The following HMCES variants were observed in gnomAD, a reference collection of about 807,000 sequenced individuals.
HMCES encodes the protein 5-hydroxymethylcytosine binding, ES cell specific, also known as abasic site processing protein HMCES.
In HMCES, 27 loss-of-function variants were observed where a neutral mutation model predicts 35.1. That is an observed-to-expected ratio of 0.77 (90% CI 0.57 to 1.06). HMCES has a LOEUF of 1.06. Among genes scored for constraint, HMCES ranks in the 50% least tolerant of loss-of-function variants. HMCES has a pLI of 0.00. For missense variants in HMCES, 391 were observed against 430.4 expected, an observed-to-expected ratio of 0.91 and a Z score of 0.81; for synonymous variants, 130 against 154.7, an observed-to-expected ratio of 0.84 and a Z score of 1.18.
At chr3:129,298,217 G>T in intron 4 of HMCES, 137 bp from the exon 5 acceptor site, 1 of 724,648 alleles carries the variant, frequency 1.4e-6, no homozygotes, top group Non-Finnish European at 2.3e-6. Flanking sequence ...TTCCTTTGGT[G>T]ACAGAGGGGT....
At position 129,306,182 on chromosome 3, in the gene HMCES, T is replaced by G. The variant is rs1411290890; in HGVS notation, c.*1357T>G. 4 of 152,242 alleles carry G rather than the reference T, an allele frequency of 2.6e-5. No individual in the cohort carries two copies. The highest frequency in any genetic ancestry group is 4.4e-5 in the Non-Finnish European group (3 of 68,042). The allele number at this position is 152,242 out of a possible 1,614,324, so 9.4% of individuals were successfully genotyped here. On this transcript the variant is annotated 3_prime_UTR_variant, in exon 7 of 7. Coordinates refer to ENST00000383463, the MANE Select transcript of HMCES (RefSeq NM_020187.3). ...CTTCCAGGTTAATAAATGACAAAAA[T>G]GAAATTCCCTTTGTTTTTCATTATC...
At chr3:129,300,188 A>G (rs2071146179) in intron 5 of HMCES, among the ~76,000 whole-genome samples, 1 of 148,912 alleles carries the variant, frequency 6.7e-6, no homozygotes, top group African/African-American at 2.5e-5. Context: ...ATATATATAT[A>G]TATAGAAAAG....
intron 2 of HMCES, among the ~76,000 whole-genome samples, chr3:129,283,595 C>T (rs1940556895): frequency 6.6e-6 from 1 of 152,062 alleles, no homozygotes; most frequent in Non-Finnish European, 1.5e-5. Context: ...CTTTGGGAGG[C>T]TGAGGCAGGT....
At chr3:129,291,678 C>G (rs978649539) in intron 4 of HMCES, among the ~76,000 whole-genome samples, 6 of 152,192 alleles carry the variant, frequency 3.9e-5, no homozygotes, top group Non-Finnish European at 5.9e-5. Flanking sequence ...CATTCATGTA[C>G]AAGTTTTGCA....
intron 4 of HMCES, among the ~76,000 whole-genome samples, chr3:129,297,096 G>C (rs2071102692): frequency 6.6e-6 from 1 of 152,152 alleles, no homozygotes; most frequent in Non-Finnish European, 1.5e-5. Context: ...AGTGTTTAGG[G>C]TAAGGATTGA....
chr3:129,284,599 G>T (rs961764738), intron 2 of HMCES, among the ~76,000 whole-genome samples: 2 of 152,128 alleles, frequency 1.3e-5, no homozygotes, highest in African/African-American at 4.8e-5. Flanking sequence ...AACTGTTTGT[G>T]TGTATATATA....
At chr3:129,283,593 G>A (rs1462168246) in intron 2 of HMCES, among the ~76,000 whole-genome samples, 1 of 152,134 alleles carries the variant, frequency 6.6e-6, no homozygotes, top group Non-Finnish European at 1.5e-5. Flanking sequence ...TACTTTGGGA[G>A]GCTGAGGCAG....
At chr3:129,298,279 C>A in intron 4 of HMCES, 75 bp from the exon 5 acceptor site, 1 of 1,309,652 alleles carries the variant, frequency 7.6e-7, no homozygotes, top group Non-Finnish European at 1.1e-6. Context: ...GCTCTCGAGT[C>A]TGAAGTAGTA....
intron 2 of HMCES, among the ~76,000 whole-genome samples, chr3:129,287,526 C>G (rs7622053): frequency 0.25 from 37,556 of 151,894 alleles, 7,748 homozygotes; most frequent in African/African-American, 0.57. Flanking sequence ...AGGCACTCTA[C>G]CAGATACCTA....
chr3:129,282,314 C>T (rs1458460023), intron 2 of HMCES, among the ~76,000 whole-genome samples: 1 of 136,532 alleles, frequency 7.3e-6, no homozygotes, highest in African/African-American at 3.3e-5. Flanking sequence ...AAAAAAAAAG[C>T]CTTAGTCATT....
At chr3:129,296,568 G>GTTGATTGC (rs2071095292) in intron 4 of HMCES, among the ~76,000 whole-genome samples, 2 of 151,956 alleles carry the variant, frequency 1.3e-5, no homozygotes, top group South Asian at 4.2e-4. Context: ...TCTCTTGGTG[G>GTTGATTGC]TTGATTGCTT....
chr3:129,297,248 G>T (rs754779104), intron 4 of HMCES, among the ~76,000 whole-genome samples: 1 of 151,816 alleles, frequency 6.6e-6, no homozygotes, highest in Non-Finnish European at 1.5e-5. Context: ...AATGTTTGTC[G>T]GCTAAACGGG....
In HMCES at chr3:129,298,405, G is replaced by C; in HGVS notation, c.505G>C (p.Asp169His). 1 of 1,614,204 alleles carries C rather than the reference G, an allele frequency of 6.2e-7. No homozygotes were observed. Among genetic ancestry groups the C allele is most frequent in the Non-Finnish European group, 8.5e-7 (1 of 1,180,030 alleles). The change falls in exon 5 of 7, where the codon GAC (aspartate) becomes CAC (histidine). Residue 169 changes from aspartate to histidine, a missense_variant. Asp to His is a moderately conservative substitution (Grantham distance 81). Transcript: ENST00000383463. ...DSPENWEKVW[D>H]NWRLLTMAGI... ...TCCTGAGAACTGGGAGAAAGTCTGG[G>C]ACAACTGGAGGCTGCTGACAATGGC...
chr3:129,306,077 T>C lies in HMCES; in HGVS notation c.*1252T>C, dbSNP rs1262232930. ...GGCGGGGGCCTCCCTTGTGGACTGATTTGCGTGGGATTTGGTTGTTTTATT... is the reference window on the plus strand; with the variant it reads ...GGCGGGGGCCTCCCTTGTGGACTGACTTGCGTGGGATTTGGTTGTTTTATT... On this transcript the variant is annotated 3_prime_UTR_variant, in exon 7 of 7. Transcript: ENST00000383463. The C allele has an allele frequency of 6.6e-6, 1 of 152,176 alleles. No individual in the cohort carries two copies. The highest frequency in any genetic ancestry group is 1.5e-5 in the Non-Finnish European group (1 of 68,030). The allele number at this position is 152,176 out of a possible 1,614,324, so 9.4% of individuals were successfully genotyped here. A position where few individuals can be genotyped will look rare whatever the true frequency, so the allele number is the denominator to read the frequency against.
At chr3:129,288,741 AT>A (rs1234546653) in intron 2 of HMCES, 112 bp from the exon 3 acceptor site, 7 of 900,924 alleles carry the variant, frequency 7.8e-6, no homozygotes, top group Non-Finnish European at 1.1e-5. Flanking sequence ...CTGTTTAAAA[AT>A]AATCTTGAAT....
intron 5 of HMCES, among the ~76,000 whole-genome samples, chr3:129,301,703 A>G (rs2071171065): frequency 6.6e-6 from 1 of 152,210 alleles, no homozygotes; most frequent in Non-Finnish European, 1.5e-5. Flanking sequence ...ACTGGAGTAC[A>G]CTAGACCAGT....
At chr3:129,301,219 A>AAAAAC (rs1553801671) in intron 5 of HMCES, among the ~76,000 whole-genome samples, 86 of 147,846 alleles carry the variant, frequency 5.8e-4, no homozygotes, top group African/African-American at 1.6e-3. Context: ...AGAAAAAAAA[A>AAAAAC]AAAATATGCT....
chr3:129,301,029 T>TAAAAAA (rs2071159358), intron 5 of HMCES, among the ~76,000 whole-genome samples: 5 of 92,528 alleles, frequency 5.4e-5, no homozygotes, highest in African/African-American at 2.8e-4. Flanking sequence ...AGACTCCATC[T>TAAAAAA]CAAAAAAAAA....
chr3:129,287,952 G>A (rs558138661), intron 2 of HMCES, among the ~76,000 whole-genome samples: 208 of 152,352 alleles, frequency 1.4e-3, no homozygotes, highest in African/African-American at 4.8e-3. Context: ...GGCTACTCGG[G>A]AGGCTGAGGT....
Sources: gnomAD v4.1 joint callset for allele counts (sites outside exome capture counted in the v4.1 genomes callset) on GRCh38, gnomAD v4.1.1 for gene constraint, MANE v1.5 for transcripts, NCBI Gene and HGNC (gene_info 2026-07-23, HGNC 2026-07-21) for gene names.